The following NCALD variants were observed in gnomAD, a reference collection of about 807,000 sequenced individuals.
The protein encoded by NCALD is neurocalcin delta.
NCALD carries 10 observed loss-of-function variants against 18.6 expected under a neutral mutation model. The observed-to-expected ratio is 0.54, with a 90% CI of 0.33 to 0.91. The LOEUF is 0.91. Among genes scored for constraint, NCALD ranks in the 40% least tolerant of loss-of-function variants. NCALD has a pLI of 0.03. For synonymous variants in NCALD, 88 were observed against 87.4 expected (o/e 1.01, Z -0.04); for missense variants, 184 against 247.6 (o/e 0.74, Z 1.72).
intron 1 of NCALD, among the ~76,000 whole-genome samples, chr8:101,762,474 AAGG>A (rs1234464927): frequency 6.6e-6 from 1 of 152,208 alleles, no homozygotes; most frequent in Non-Finnish European, 1.5e-5. Context: ...ATTTCAAAAC[AAGG>A]AGATTTTATC....
At chr8:102,016,807 A>G (rs1350099573) in intron 2 of NCALD, among the ~76,000 whole-genome samples, 1 of 152,208 alleles carries the variant, frequency 6.6e-6, no homozygotes, top group Non-Finnish European at 1.5e-5. Flanking sequence ...CAAAATTACA[A>G]GACACTCAAA....
intron 4 of NCALD, among the ~76,000 whole-genome samples, chr8:101,881,776 G>A (rs1001544727): frequency 2.0e-5 from 3 of 152,236 alleles, no homozygotes; most frequent in Non-Finnish European, 4.4e-5. Flanking sequence ...CACATGCTTG[G>A]CTGAGTAAAT....
chr8:101,743,039 A>G (rs1442888552), intron 1 of NCALD, among the ~76,000 whole-genome samples: 1 of 152,208 alleles, frequency 6.6e-6, no homozygotes, highest in South Asian at 2.1e-4. Flanking sequence ...TTCTAAATAT[A>G]TATTTACATA....
intron 4 of NCALD, among the ~76,000 whole-genome samples, chr8:101,825,216 G>A (rs568107814): frequency 3.3e-5 from 5 of 152,334 alleles, no homozygotes; most frequent in Admixed American, 6.5e-5. Flanking sequence ...GTTGGGTCTC[G>A]CAGTTAACAT....
chr8:102,073,928 A>C (rs1824261989), intron 1 of NCALD, among the ~76,000 whole-genome samples: 1 of 152,202 alleles, frequency 6.6e-6, no homozygotes. Context: ...TGTTTTTGGA[A>C]TCTGGCAGTT....
intron 1 of NCALD, among the ~76,000 whole-genome samples, chr8:102,049,221 G>A (rs1823346478): frequency 6.6e-6 from 1 of 152,244 alleles, no homozygotes; most frequent in East Asian, 1.9e-4. Flanking sequence ...TAGTCTTTAA[G>A]GGACACGAAA....
chr8:101,711,913 A>G (rs1474176744), intron 2 of NCALD, among the ~76,000 whole-genome samples: 1 of 152,168 alleles, frequency 6.6e-6, no homozygotes, highest in Admixed American at 6.5e-5. Context: ...TTCAGGAAAT[A>G]CAGAGAACAC....
intron 2 of NCALD, among the ~76,000 whole-genome samples, chr8:101,699,457 C>A (rs986836236): frequency 3.3e-5 from 5 of 152,154 alleles, no homozygotes; most frequent in Admixed American, 3.3e-4. Context: ...AAGACACATG[C>A]ACATGTATGT....
intron 1 of NCALD, among the ~76,000 whole-genome samples, chr8:102,112,351 A>C (rs1825666654): frequency 6.6e-6 from 1 of 152,206 alleles, no homozygotes; most frequent in South Asian, 2.1e-4. Flanking sequence ...GGCAATACTA[A>C]GACCAAAACC....
At chr8:101,862,879 C>A (rs954468261) in intron 4 of NCALD, among the ~76,000 whole-genome samples, 4 of 152,194 alleles carry the variant, frequency 2.6e-5, no homozygotes, top group Non-Finnish European at 5.9e-5. Context: ...ATTTGTTAAG[C>A]ACTTACTGTC....
rs367779326 is a variant in NCALD at position 101,775,536 on chromosome 8, G to C, written c.-20+15326C>G. ...GGAATCTGCCTCTTTCAACCACACTGCTGTGGCTCTGATTCTGATGCCAGT... is the reference window on the plus strand; with the variant it reads ...GGAATCTGCCTCTTTCAACCACACTCCTGTGGCTCTGATTCTGATGCCAGT... On this transcript the variant is annotated intron_variant, in intron 1 of 3. Transcript: ENST00000220931. 3.7e-4 allele frequency among the ~76,000 whole-genome samples: 57 copies of C among 152,258 alleles called. No homozygotes were observed. The East Asian group carries it at 7.0e-3, about 19-fold the overall frequency.
chr8:101,843,870 C>T (rs1814754954), intron 4 of NCALD, among the ~76,000 whole-genome samples: 1 of 152,126 alleles, frequency 6.6e-6, no homozygotes, highest in South Asian at 2.1e-4. Context: ...GCGCGAGCCA[C>T]CATGCCCGGC....
intron 2 of NCALD, among the ~76,000 whole-genome samples, chr8:101,968,979 T>C (rs1444799402): frequency 6.6e-6 from 1 of 152,150 alleles, no homozygotes; most frequent in African/African-American, 2.4e-5. Flanking sequence ...CCTGAATGAA[T>C]TGTGATTGGA....
At chr8:101,963,506 T>C (rs928960522) in intron 2 of NCALD, among the ~76,000 whole-genome samples, 6 of 152,126 alleles carry the variant, frequency 3.9e-5, no homozygotes, top group Admixed American at 3.9e-4. Flanking sequence ...CTTTCCACAA[T>C]GAGGGACAGA....
rs140641234 is a variant in NCALD at position 102,074,611 on chromosome 8, A to G, written c.-210+49626T>C. On this transcript the variant is annotated intron_variant, in intron 1 of 6. Transcript: ENST00000311028. Reference sequence around the variant, plus strand: ...TTTGACTGGTTTTTGAGTCTCAGAAATTAGATTTATGGCCATCAACCCTGA... The same window carrying G: ...TTTGACTGGTTTTTGAGTCTCAGAAGTTAGATTTATGGCCATCAACCCTGA... Among the ~76,000 whole-genome samples, 22 of 152,246 alleles carry G rather than the reference A, an allele frequency of 1.4e-4. 1 individual carries two copies. The highest frequency in any genetic ancestry group is 3.9e-4 in the African/African-American group (16 of 41,542).
At chr8:102,008,492 A>G (rs1190588286) in intron 2 of NCALD, among the ~76,000 whole-genome samples, 1 of 151,172 alleles carries the variant, frequency 6.6e-6, no homozygotes, top group Non-Finnish European at 1.5e-5. Context: ...AAAAAAAAAA[A>G]GACATGCAAG....
At chr8:101,978,835 A>ATTCC (rs1456968319) in intron 2 of NCALD, among the ~76,000 whole-genome samples, 1 of 152,252 alleles carries the variant, frequency 6.6e-6, no homozygotes, top group Non-Finnish European at 1.5e-5. Context: ...GAAGAAAGGA[A>ATTCC]GGCAGGCAAG....
intron 1 of NCALD, among the ~76,000 whole-genome samples, chr8:102,059,311 T>C (rs1823761044): frequency 1.3e-5 from 2 of 152,246 alleles, no homozygotes; most frequent in Admixed American, 1.3e-4. Flanking sequence ...CAAATCTTCA[T>C]ATATTCACCT....
chr8:101,905,535 T>C (rs1183209396), intron 3 of NCALD, among the ~76,000 whole-genome samples: 2 of 152,202 alleles, frequency 1.3e-5, no homozygotes, highest in African/African-American at 2.4e-5. Flanking sequence ...ATCTTTGTCA[T>C]TTCTGTATGT....
Sources: gnomAD v4.1 joint callset for allele counts (sites outside exome capture counted in the v4.1 genomes callset) on GRCh38, gnomAD v4.1.1 for gene constraint, MANE v1.5 for transcripts, NCBI Gene and HGNC (gene_info 2026-07-23, HGNC 2026-07-21) for gene names.